JAKMIP2: variants seen among roughly 807,000 people sequenced by gnomAD.
JAKMIP2 encodes janus kinase and microtubule interacting protein 2.
JAKMIP2 carries 25 observed loss-of-function variants against 115.0 expected under a neutral mutation model. That is an observed-to-expected ratio of 0.22 (90% confidence interval 0.16 to 0.30). The LOEUF (loss-of-function observed/expected upper bound fraction) is 0.30, where lower values mean the gene tolerates loss of function less well. Ranked by LOEUF, JAKMIP2 falls within the 10% of genes least tolerant of loss-of-function variation. The pLI is 1.00. For synonymous variants in JAKMIP2, 334 were observed against 343.6 expected, an observed-to-expected ratio of 0.97 and a Z score of 0.31; for missense variants, 642 against 957.6, an observed-to-expected ratio of 0.67 and a Z score of 4.35.
At chr5:147,651,628 A>C (rs1381879094) in intron 3 of JAKMIP2, among the ~76,000 whole-genome samples, 1 of 152,172 alleles carries the variant, frequency 6.6e-6, no homozygotes, top group Non-Finnish European at 1.5e-5. Context: ...TAGACCAGAA[A>C]AAAAAAACCT....
chr5:147,728,184 G>A (rs1188008760), intron 1 of JAKMIP2, among the ~76,000 whole-genome samples: 1 of 152,170 alleles, frequency 6.6e-6, no homozygotes, highest in African/African-American at 2.4e-5. Flanking sequence ...TGGCAGTCAT[G>A]AGAGGATACT....
At position 147,778,743 on chromosome 5, in the gene JAKMIP2, G is replaced by A. The variant is rs138747723; in HGVS notation, c.-149+3713C>T. On this transcript the variant is annotated intron_variant, in intron 1 of 21. Transcript: ENST00000616793. The stretch of plus-strand genomic sequence containing the variant: ...ATAAAAACTTGTAATAATATAAGGT[G>A]AAGTGATGGTACTAATTACAACTAT... Among the ~76,000 whole-genome samples the A allele has an allele frequency of 3.7e-3, 566 of 152,210 alleles. 4 individuals carry two copies. Among genetic ancestry groups the A allele is most frequent in the African/African-American group, 0.013 (545 of 41,566 alleles).
At chr5:147,593,242 G>A (rs115175220) in intron 21 of JAKMIP2, among the ~76,000 whole-genome samples, 1 of 152,366 alleles carries the variant, frequency 6.6e-6, no homozygotes, top group Non-Finnish European at 1.5e-5. Flanking sequence ...AAGGGAGCCA[G>A]TGAGGCAGTG....
chr5:147,742,570 A>G (rs1227793127), intron 1 of JAKMIP2, among the ~76,000 whole-genome samples: 7 of 152,214 alleles, frequency 4.6e-5, no homozygotes, highest in Non-Finnish European at 1.5e-5. Context: ...TTTGAAGGCT[A>G]GCAGGTGACA....
chr5:147,624,098 G>T (rs867608281), intron 16 of JAKMIP2, among the ~76,000 whole-genome samples: 2 of 152,120 alleles, frequency 1.3e-5, no homozygotes, highest in Admixed American at 6.5e-5. Context: ...CTCCCAAAGT[G>T]CTGTGATTAT....
intron 1 of JAKMIP2, among the ~76,000 whole-genome samples, chr5:147,777,755 T>C (rs760862037): frequency 6.6e-6 from 1 of 152,262 alleles, no homozygotes; most frequent in South Asian, 2.1e-4. Context: ...TTTTTCCAAA[T>C]GTAGAATACA....
chr5:147,627,473 C>T (rs1757149258), intron 16 of JAKMIP2, among the ~76,000 whole-genome samples: 1 of 151,740 alleles, frequency 6.6e-6, no homozygotes, highest in African/African-American at 2.4e-5. Flanking sequence ...GACTCAAATC[C>T]CAGAGGGTCT....
chr5:147,623,547 G>A, intron 17 of JAKMIP2, 74 bp downstream of exon 17: 1 of 912,962 alleles, frequency 1.1e-6, no homozygotes, highest in South Asian at 1.4e-5. Flanking sequence ...GATAAAACTG[G>A]TAGAGGCAAC....
chr5:147,762,618 T>C (rs1230513926), intron 1 of JAKMIP2, among the ~76,000 whole-genome samples: 3 of 152,046 alleles, frequency 2.0e-5, no homozygotes, highest in Non-Finnish European at 4.4e-5. Flanking sequence ...CATGTCGTAT[T>C]GGATTAGGAC....
chr5:147,636,910 G>C, intron 11 of JAKMIP2, 55 bp downstream of exon 11: 1 of 869,872 alleles, frequency 1.1e-6, no homozygotes, highest in Admixed American at 1.7e-5. Flanking sequence ...TGAGCTACAG[G>C]AAGGTCAGAT....
chr5:147,608,699 C>G (rs951162566), intron 20 of JAKMIP2, among the ~76,000 whole-genome samples: 5 of 151,996 alleles, frequency 3.3e-5, no homozygotes, highest in African/African-American at 9.7e-5. Context: ...TCTGCTTGGT[C>G]CAGAGCTGAG....
chr5:147,688,694 A>G (rs1266761384), intron 1 of JAKMIP2, among the ~76,000 whole-genome samples: 1 of 152,232 alleles, frequency 6.6e-6, no homozygotes, highest in Non-Finnish European at 1.5e-5. Flanking sequence ...GCATCACTAT[A>G]GTCCCACCCT....
In JAKMIP2 at chr5:147,661,412, C is replaced by A. The variant is rs1758965645; in HGVS notation, c.163G>T (p.Ala55Ser). Residue 55 changes from alanine to serine, a missense_variant, in exon 3 of 22, where the codon GCG becomes TCG. Coordinates refer to ENST00000616793, the MANE Select transcript of JAKMIP2 (RefSeq NM_001270941.2). ...SKLEREKTQE[A>S]KRIRELEQRK... ...TGCTCCAGCTCACGAATCCTCTTCGCTTCTTGAGTCTTCTCTCTTTCAAGC... is the reference window on the plus strand; with the variant it reads ...TGCTCCAGCTCACGAATCCTCTTCGATTCTTGAGTCTTCTCTCTTTCAAGC... The A allele has an allele frequency of 3.1e-6, 5 of 1,612,766 alleles. No individual in the cohort carries two copies. Among genetic ancestry groups the A allele is most frequent in the Admixed American group, 1.7e-5 (1 of 59,720 alleles).
At chr5:147,747,632 T>C (rs1754394480) in intron 1 of JAKMIP2, among the ~76,000 whole-genome samples, 1 of 152,114 alleles carries the variant, frequency 6.6e-6, no homozygotes, top group African/African-American at 2.4e-5. Context: ...CCAGGTGCCA[T>C]CAAAACTACT....
intron 1 of JAKMIP2, among the ~76,000 whole-genome samples, chr5:147,698,904 T>C (rs1752214882): frequency 6.6e-6 from 1 of 152,186 alleles, no homozygotes; most frequent in African/African-American, 2.4e-5. Context: ...TCACTGGTAC[T>C]CTGTGGGCCA....
chr5:147,632,607 C>T, intron 13 of JAKMIP2, 73 bp downstream of exon 13: 2 of 958,310 alleles, frequency 2.1e-6, no homozygotes, highest in South Asian at 1.5e-5. Flanking sequence ...AATACAGCGC[C>T]TAGCTCCTCA....
intron 1 of JAKMIP2, among the ~76,000 whole-genome samples, chr5:147,723,685 C>T (rs995462983): frequency 4.6e-5 from 7 of 152,150 alleles, no homozygotes; most frequent in Non-Finnish European, 1.0e-4. Context: ...GCAATTACAG[C>T]TCTGCCTTTG....
At chr5:147,706,068 G>A (rs1407391083) in intron 1 of JAKMIP2, among the ~76,000 whole-genome samples, 1 of 152,124 alleles carries the variant, frequency 6.6e-6, no homozygotes, top group Non-Finnish European at 1.5e-5. Flanking sequence ...TGCAATTATA[G>A]TATTGCTTCA....
chr5:147,718,687 C>A (rs1042306718), intron 1 of JAKMIP2, among the ~76,000 whole-genome samples: 2 of 152,090 alleles, frequency 1.3e-5, no homozygotes, highest in South Asian at 4.2e-4. Context: ...TGGGATCGGT[C>A]GTGATATCCC....
Sources: allele counts gnomAD v4.1 joint callset (sites outside exome capture counted in the v4.1 genomes callset), GRCh38; gene constraint gnomAD v4.1.1; transcripts MANE v1.5; gene names NCBI Gene and HGNC (gene_info 2026-07-23, HGNC 2026-07-21).